The following PRPF38A variants were observed in gnomAD, a reference collection of about 807,000 sequenced individuals.
The protein encoded by PRPF38A is pre-mRNA processing factor 38A, also known as pre-mRNA-splicing factor 38A.
A neutral mutation model predicts 46.8 loss-of-function variants in PRPF38A; 11 were observed. That is an observed-to-expected ratio of 0.24 (90% CI 0.15 to 0.39). PRPF38A has a LOEUF of 0.39. Among genes scored for constraint, PRPF38A ranks in the 10% least tolerant of loss-of-function variants. PRPF38A has a pLI of 1.00. For missense variants in PRPF38A, 261 were observed against 407.5 expected, an observed-to-expected ratio of 0.64 and a Z score of 3.10; for synonymous variants, 124 against 136.2, an observed-to-expected ratio of 0.91 and a Z score of 0.62.
intron 4 of PRPF38A, among the ~76,000 whole-genome samples, chr1:52,412,245 A>G (rs1283955189): frequency 1.3e-5 from 2 of 152,216 alleles, no homozygotes; most frequent in African/African-American, 2.4e-5. Flanking sequence ...GGCTGTACCT[A>G]TACTGATTGA....
chr1:52,413,180 A>G (rs575826683), intron 5 of PRPF38A, among the ~76,000 whole-genome samples: 1 of 152,364 alleles, frequency 6.6e-6, no homozygotes, highest in South Asian at 2.1e-4. Context: ...AAATAAGATT[A>G]TAAACTTAAA....
At chr1:52,415,830 CTCTTT>C (rs1648274355) in intron 9 of PRPF38A, among the ~76,000 whole-genome samples, 1 of 119,430 alleles carries the variant, frequency 8.4e-6, no homozygotes, top group Admixed American at 9.0e-5. Flanking sequence ...GTTGGGTGCA[CTCTTT>C]TTTTTTTTTT....
Position 52,404,695 on chromosome 1 carries a change from C to G in PRPF38A, c.-55C>G. On this transcript the variant is annotated 5_prime_UTR_variant, in exon 1 of 10. Coordinates refer to ENST00000257181, the MANE Select transcript of PRPF38A (RefSeq NM_032864.4). ...CATTCCTCTAGGTGCTTTTTCTGAA[C>G]CTGGATGTGAGGCATTAAAGGATCC... The G allele has an allele frequency of 6.3e-7, 1 of 1,580,994 alleles. No homozygotes were observed. Among genetic ancestry groups the G allele is most frequent in the Non-Finnish European group, 8.6e-7 (1 of 1,163,748 alleles).
intron 6 of PRPF38A, 22 bp from the exon 7 acceptor site, chr1:52,414,599 C>T (rs1648237720): frequency 6.2e-7 from 1 of 1,612,518 alleles, no homozygotes; most frequent in Admixed American, 1.7e-5. Context: ...CCTAGGCTTT[C>T]TTCTTCCTCT....
In PRPF38A at chr1:52,418,563, G is replaced by T. The variant is rs936757690; in HGVS notation, c.*1873G>T. ...TAAAACATACTTGTTTAGACATATG[G>T]TAATATGTGGACCAAAATTGAGGTA... On this transcript the variant is annotated 3_prime_UTR_variant, in exon 10 of 10. Coordinates refer to ENST00000257181, the MANE Select transcript of PRPF38A (RefSeq NM_032864.4). 6.6e-6 allele frequency: 1 copy of T among 152,174 alleles called. No homozygotes were observed. Among genetic ancestry groups the T allele is most frequent in the Admixed American group, 6.5e-5 (1 of 15,280 alleles). 9.4% of individuals were successfully genotyped at this position (152,174 alleles called of 1,614,324 possible).
chr1:52,414,751 C>G lies in PRPF38A; in HGVS notation c.750-11C>G. 6.2e-7 allele frequency: 1 copy of G among 1,614,106 alleles called. No individual in the cohort carries two copies. Among genetic ancestry groups the G allele is most frequent in the Middle Eastern group, 1.7e-4 (1 of 6,060 alleles). On this transcript the variant is annotated splice_polypyrimidine_tract_variant and intron_variant, in intron 7 of 9. Transcript: ENST00000257181. ...AACCAGATCTGGTAGTCTGACCAGT[C>G]TTTTCTACAGCCCCTCCCCTCGCCG...
At position 52,413,864 on chromosome 1, in the gene PRPF38A, T is replaced by G; in HGVS notation, c.610-15T>G. The G allele has an allele frequency of 6.4e-7, 1 of 1,559,614 alleles. No homozygotes were observed. Among genetic ancestry groups the G allele is most frequent in the Non-Finnish European group, 8.8e-7 (1 of 1,130,492 alleles). On this transcript the variant is annotated splice_polypyrimidine_tract_variant and intron_variant, in intron 5 of 9. Transcript: ENST00000257181. The stretch of plus-strand genomic sequence containing the variant: ...AAGCCTGTGCCTTTCAATGACCCAA[T>G]CATCTTGTTTCCAGTTGGAAAGAGT...
chr1:52,420,293 G>C lies in PRPF38A; in HGVS notation c.*3603G>C, dbSNP rs758234566. The stretch of plus-strand genomic sequence containing the variant: ...AGAAATGAATCAAATTAAGGACTTA[G>C]GAACAAAGAATCAGTAAAAGGAGTG... On this transcript the variant is annotated 3_prime_UTR_variant, in exon 10 of 10. Coordinates refer to ENST00000257181, the MANE Select transcript of PRPF38A (RefSeq NM_032864.4). 6.6e-6 allele frequency: 1 copy of C among 152,130 alleles called. No individual in the cohort carries two copies. The highest frequency in any genetic ancestry group is 6.5e-5 in the Admixed American group (1 of 15,274). The allele number at this position is 152,130 out of a possible 1,614,324, so 9.4% of individuals were successfully genotyped here.
chr1:52,409,115 G>A (rs10127490), intron 3 of PRPF38A: 3,368 of 158,042 alleles, frequency 0.021, 110 homozygotes, highest in African/African-American at 0.075. Context: ...CAGCATATAA[G>A]ACTACTCATT....
rs1047716384 is a variant in PRPF38A, at chr1:52,420,234, A to G, written c.*3544A>G. 2.6e-5 allele frequency: 4 copies of G among 152,214 alleles called. No individual in the cohort carries two copies. The highest frequency in any genetic ancestry group is 7.2e-5 in the African/African-American group (3 of 41,450). The allele number at this position is 152,214 out of a possible 1,614,324, so 9.4% of individuals were successfully genotyped here. A position where few individuals can be genotyped will look rare whatever the true frequency, so the allele number is the denominator to read the frequency against. On this transcript the variant is annotated 3_prime_UTR_variant, in exon 10 of 10. Coordinates refer to ENST00000257181, the MANE Select transcript of PRPF38A (RefSeq NM_032864.4). ...AAAGTACAAATCATGAGTCTTTGGG[A>G]AAAAACCGCCCAATAATGAAATTCA...
At chr1:52,411,875 A>T (rs1264627296) in intron 4 of PRPF38A, among the ~76,000 whole-genome samples, 5 of 152,176 alleles carry the variant, frequency 3.3e-5, no homozygotes, top group African/African-American at 1.2e-4. Flanking sequence ...TTATAGCAAG[A>T]CAATGTCTTG....
At chr1:52,413,613 C>T (rs72666823) in intron 5 of PRPF38A, among the ~76,000 whole-genome samples, 1,783 of 152,162 alleles carry the variant, frequency 0.012, 25 homozygotes, top group Admixed American at 0.012. Flanking sequence ...GCCCAGGCTG[C>T]AGATAAACTA....
At chr1:52,405,473 G>A (rs889968486) in intron 1 of PRPF38A, among the ~76,000 whole-genome samples, 3 of 152,192 alleles carry the variant, frequency 2.0e-5, no homozygotes, top group African/African-American at 7.2e-5. Context: ...GGTTAAGTGA[G>A]ATAATATGAA....
In PRPF38A at chr1:52,418,180, T is replaced by C. The variant is rs545247909; in HGVS notation, c.*1490T>C. The C allele has an allele frequency of 2.6e-5, 4 of 152,790 alleles. No homozygotes were observed. The highest frequency in any genetic ancestry group is 6.5e-5 in the Admixed American group (1 of 15,308). The allele number at this position is 152,790 out of a possible 1,614,324, so 9.5% of individuals were successfully genotyped here. A position where few individuals can be genotyped will look rare whatever the true frequency, so the allele number is the denominator to read the frequency against. ...AGTATTAAAGCATTTTTTAATCTTATTTGAGCTTTCATATTCTTCAATGGT... is the reference window on the plus strand; with the variant it reads ...AGTATTAAAGCATTTTTTAATCTTACTTGAGCTTTCATATTCTTCAATGGT... On this transcript the variant is annotated 3_prime_UTR_variant, in exon 10 of 10. Coordinates refer to ENST00000257181, the MANE Select transcript of PRPF38A (RefSeq NM_032864.4).
intron 9 of PRPF38A, among the ~76,000 whole-genome samples, chr1:52,415,862 A>G (rs1484359264): frequency 3.9e-5 from 2 of 51,216 alleles, no homozygotes; most frequent in East Asian, 1.2e-3. Flanking sequence ...TTTTTTTTTG[A>G]GACGGAGTCT....
chr1:52,420,491 C>G lies in PRPF38A; in HGVS notation c.*3801C>G, dbSNP rs1276749542. ...ACATGAAGCTAGAAAAAAAAATAGCCTCTTTATTGTTTTCCGTAATTGTCC... is the reference window on the plus strand; with the variant it reads ...ACATGAAGCTAGAAAAAAAAATAGCGTCTTTATTGTTTTCCGTAATTGTCC... On this transcript the variant is annotated 3_prime_UTR_variant, in exon 10 of 10. Coordinates refer to ENST00000257181, the MANE Select transcript of PRPF38A (RefSeq NM_032864.4). 1 of 152,078 alleles carries G rather than the reference C, an allele frequency of 6.6e-6. No individual in the cohort carries two copies. Among genetic ancestry groups the G allele is most frequent in the East Asian group, 1.9e-4 (1 of 5,190 alleles). 9.4% of individuals were successfully genotyped at this position (152,078 alleles called of 1,614,324 possible).
intron 3 of PRPF38A, chr1:52,409,103 T>C (rs1569975757): frequency 6.0e-6 from 1 of 167,170 alleles, no homozygotes; most frequent in East Asian, 1.6e-4. Flanking sequence ...TAATTCACAC[T>C]GCAGCATATA....
At chr1:52,410,049 A>G (rs181701396) in intron 3 of PRPF38A, among the ~76,000 whole-genome samples, 1,791 of 149,296 alleles carry the variant, frequency 0.012, 40 homozygotes, top group African/African-American at 0.043. Flanking sequence ...GTATATGTGT[A>G]TATACACACA....
intron 9 of PRPF38A, among the ~76,000 whole-genome samples, chr1:52,416,427 GCC>G (rs1412377188): frequency 2.0e-5 from 3 of 151,640 alleles, no homozygotes; most frequent in African/African-American, 7.3e-5. Context: ...TCCTGTCCCA[GCC>G]TCCTGAGTAG....
Sources: gnomAD v4.1 joint callset for allele counts (sites outside exome capture counted in the v4.1 genomes callset) on GRCh38, gnomAD v4.1.1 for gene constraint, MANE v1.5 for transcripts, NCBI Gene and HGNC (gene_info 2026-07-23, HGNC 2026-07-21) for gene names.